GNA12: variants seen among roughly 807,000 people sequenced by gnomAD.
The protein encoded by GNA12 is G protein subunit alpha 12, also known as guanine nucleotide-binding protein subunit alpha-12.
Under a neutral mutation model 26.0 loss-of-function variants are expected in GNA12, and 9 were observed. That is an observed-to-expected ratio of 0.35 (90% CI 0.21 to 0.60). The LOEUF (loss-of-function observed/expected upper bound fraction) is 0.60. GNA12 is among the 20% of genes least tolerant of loss of function. The pLI is 0.78. For missense variants in GNA12, 405 were observed against 525.8 expected, an observed-to-expected ratio of 0.77 and a Z score of 2.25; for synonymous variants, 264 against 219.6, an observed-to-expected ratio of 1.20 and a Z score of -1.79.
At chr7:2,770,223 C>A (rs1791913925) in intron 2 of GNA12, among the ~76,000 whole-genome samples, 1 of 152,192 alleles carries the variant, frequency 6.6e-6, no homozygotes, top group African/African-American at 2.4e-5. Context: ...GCCCCACTTG[C>A]CCTGGAGAGT....
chr7:2,770,443 A>C (rs1443043007), intron 2 of GNA12, among the ~76,000 whole-genome samples: 2 of 152,168 alleles, frequency 1.3e-5, no homozygotes, highest in East Asian at 3.9e-4. Context: ...ATGCTTGTCC[A>C]TTGGAGTTGG....
rs1789740048 is a variant in GNA12, at chr7:2,728,847, G to A, written c.*2334C>T. The A allele has an allele frequency of 6.6e-6, 1 of 152,440 alleles. No homozygotes were observed. Among genetic ancestry groups the A allele is most frequent in the South Asian group, 2.1e-4 (1 of 4,830 alleles). 9.4% of individuals were successfully genotyped at this position (152,440 alleles called of 1,614,324 possible). ...TTCTAATTCACCCCGGTCATGAGGA[G>A]GAGGAGGAGGAAGTCCAGCTCAGCA... is the stretch of plus-strand genomic sequence containing the variant. On this transcript the variant is annotated 3_prime_UTR_variant, in exon 4 of 4. Transcript: ENST00000275364.
chr7:2,740,317 G>A (rs1790434962), intron 2 of GNA12, among the ~76,000 whole-genome samples: 1 of 152,130 alleles, frequency 6.6e-6, no homozygotes, highest in South Asian at 2.1e-4. Flanking sequence ...GACTTTGGGA[G>A]GTGACTGAAG....
chr7:2,782,147 A>G (rs1336967881), intron 2 of GNA12, among the ~76,000 whole-genome samples: 4 of 152,248 alleles, frequency 2.6e-5, no homozygotes. Flanking sequence ...ATATACAAAA[A>G]TTAACTCAAA....
rs1562409543 is a variant in GNA12 at position 2,757,128 on chromosome 7, C to CTTTT, written c.526-23628_526-23627insAAAA. Among the ~76,000 whole-genome samples the CTTTT allele has an allele frequency of 5.7e-4, 66 of 115,092 alleles. 1 individual carries two copies. Among genetic ancestry groups the CTTTT allele is most frequent in the Non-Finnish European group, 7.8e-4 (44 of 56,624 alleles). 75.5% of individuals were successfully genotyped at this position (115,092 alleles called of 152,430 possible). On this transcript the variant is annotated intron_variant, in intron 2 of 3. Coordinates refer to ENST00000275364, the MANE Select transcript of GNA12 (RefSeq NM_007353.3). ...GGCAGGCCCGATCTAATCAGGTGGG[C>CTTTT]CTTTTTTTTTTTTTTTTTTTTTTTT...
At position 2,803,584 on chromosome 7, in the gene GNA12, A is replaced by T. The variant is rs1348525945; in HGVS notation, c.310-8441T>A. Among the ~76,000 whole-genome samples the T allele has an allele frequency of 8.5e-5, 13 of 152,320 alleles. No individual in the cohort carries two copies. The East Asian group carries it at 2.5e-3, about 29-fold the overall frequency. ...CAATACCCACCAGTTCTCCCAAGTC[A>T]GGTCCACAGGAGGGGATGGCTTAGA... On this transcript the variant is annotated intron_variant, in intron 1 of 3. Transcript: ENST00000275364.
At chr7:2,843,747 G>T (rs1779078117) in intron 1 of GNA12, 106 bp downstream of exon 1, 8 of 490,566 alleles carry the variant, frequency 1.6e-5, no homozygotes, top group Non-Finnish European at 2.4e-5. Flanking sequence ...CAGCATCCTC[G>T]CCCCAGGGGT....
chr7:2,757,925 C>T (rs1791380234), intron 2 of GNA12, among the ~76,000 whole-genome samples: 2 of 152,114 alleles, frequency 1.3e-5, no homozygotes, highest in African/African-American at 4.8e-5. Context: ...TCGCTGTCCC[C>T]ACATCAGAAT....
intron 2 of GNA12, among the ~76,000 whole-genome samples, chr7:2,771,058 AGGTG>A (rs1791935550): frequency 6.6e-6 from 1 of 152,188 alleles, no homozygotes; most frequent in Non-Finnish European, 1.5e-5. Context: ...TGGGAGGCTG[AGGTG>A]GGTGGATCAC....
At chr7:2,802,056 T>C (rs567893243) in intron 1 of GNA12, among the ~76,000 whole-genome samples, 3 of 152,252 alleles carry the variant, frequency 2.0e-5, no homozygotes, top group African/African-American at 7.2e-5. Flanking sequence ...AAAGACCAAT[T>C]TTCTAAAACA....
At chr7:2,825,226 G>T (rs527518411) in intron 1 of GNA12, among the ~76,000 whole-genome samples, 2 of 152,326 alleles carry the variant, frequency 1.3e-5, no homozygotes, top group East Asian at 3.9e-4. Flanking sequence ...ATCCTGGGGC[G>T]TGGGAGGGGA....
In GNA12 at chr7:2,780,046, G is replaced by GTATATATATA. The variant is rs1338485354; in HGVS notation, c.525+14881_525+14882insTATATATATA. Among the ~76,000 whole-genome samples the GTATATATATA allele has an allele frequency of 8.2e-4, 70 of 85,820 alleles. 3 individuals carry two copies. Among genetic ancestry groups the GTATATATATA allele is most frequent in the African/African-American group, 3.1e-3 (68 of 22,198 alleles). 56.3% of individuals were successfully genotyped at this position (85,820 alleles called of 152,430 possible). ...ACGTACTAGTTTTTTACACATTTCT[G>GTATATATATA]TGTACATATATATATATATATATAT... is the stretch of plus-strand genomic sequence containing the variant. On this transcript the variant is annotated intron_variant, in intron 2 of 3. Transcript: ENST00000275364.
chr7:2,813,347 G>T (rs1793131514), intron 1 of GNA12, among the ~76,000 whole-genome samples: 1 of 152,206 alleles, frequency 6.6e-6, no homozygotes, highest in Admixed American at 6.5e-5. Context: ...AAAAATAGAT[G>T]ACTCCATGCC....
chr7:2,814,953 G>A (rs1333691304), intron 1 of GNA12: 5 of 1,574,146 alleles, frequency 3.2e-6, no homozygotes, highest in South Asian at 1.2e-5. Flanking sequence ...CAATACAGTA[G>A]GCGCTCTGCA....
chr7:2,799,892 G>A (rs1012799177), intron 1 of GNA12, among the ~76,000 whole-genome samples: 5 of 152,186 alleles, frequency 3.3e-5, no homozygotes, highest in Non-Finnish European at 2.9e-5. Flanking sequence ...AAGCGGAGGT[G>A]AGGAGGCGGA....
In GNA12 at chr7:2,782,915, T is replaced by C. The variant is rs181822573; in HGVS notation, c.525+12013A>G. On this transcript the variant is annotated intron_variant, in intron 2 of 3. Coordinates refer to ENST00000275364, the MANE Select transcript of GNA12 (RefSeq NM_007353.3). ...TTTACTAATACTTTGTTGCCTAACA[T>C]AGCCATTGAGTTTTTTAGTTTTAAA... is the stretch of plus-strand genomic sequence containing the variant. Among the ~76,000 whole-genome samples the C allele has an allele frequency of 1.8e-3, 272 of 152,380 alleles. 1 individual carries two copies. Among genetic ancestry groups the C allele is most frequent in the Non-Finnish European group, 2.9e-3 (199 of 68,040 alleles).
intron 1 of GNA12, among the ~76,000 whole-genome samples, chr7:2,843,284 C>T (rs954618742): frequency 1.8e-4 from 27 of 152,132 alleles, no homozygotes; most frequent in Admixed American, 1.8e-3. Flanking sequence ...AAGTGCCAAG[C>T]CCCCACTCCC....
At chr7:2,791,547 A>G (rs1002694882) in intron 2 of GNA12, among the ~76,000 whole-genome samples, 1 of 152,220 alleles carries the variant, frequency 6.6e-6, no homozygotes, top group African/African-American at 2.4e-5. Flanking sequence ...CAGAGGGAAC[A>G]GGGAGGCGCC....
chr7:2,820,279 G>C (rs904291874), intron 1 of GNA12, among the ~76,000 whole-genome samples: 3 of 151,962 alleles, frequency 2.0e-5, no homozygotes, highest in Admixed American at 1.3e-4. Context: ...CTGGGGTGAT[G>C]AAAATGTTTT....
Sources: gnomAD v4.1 joint callset for allele counts (sites outside exome capture counted in the v4.1 genomes callset) on GRCh38, gnomAD v4.1.1 for gene constraint, MANE v1.5 for transcripts, NCBI Gene and HGNC (gene_info 2026-07-23, HGNC 2026-07-21) for gene names.